The following OR5AN1 variants were observed in gnomAD, a reference collection of about 807,000 sequenced individuals.
The protein encoded by OR5AN1 is olfactory receptor family 5 subfamily AN member 1, also known as olfactory receptor 5AN1.
For synonymous variants in OR5AN1, 167 were observed against 131.8 expected, an observed-to-expected ratio of 1.27 and a Z score of -1.83; for missense variants, 476 against 368.9, an observed-to-expected ratio of 1.29 and a Z score of -2.38.
rs1384986873 is a variant in OR5AN1 at position 59,364,723 on chromosome 11, G to A, written c.265G>A (p.Glu89Lys). Residue 89 changes from glutamate to lysine, a missense_variant, in exon 2 of 2, where the codon GAA becomes AAA. Glu to Lys is a moderately conservative substitution (Grantham distance 56, BLOSUM62 1). Transcript: ENST00000641998. Reference protein sequence around the residue: ...VPKMLSNLLQEQQTITFVGCI... With the variant: ...VPKMLSNLLQKQQTITFVGCI... Reference sequence around the variant, plus strand: ...CAAGATGCTCTCCAACCTCTTACAGGAACAGCAAACTATCACTTTTGTTGG... The same window carrying A: ...CAAGATGCTCTCCAACCTCTTACAGAAACAGCAAACTATCACTTTTGTTGG... The A allele has an allele frequency of 4.3e-6, 7 of 1,613,810 alleles. No individual in the cohort carries two copies. The highest frequency in any genetic ancestry group is 5.9e-6 in the Non-Finnish European group (7 of 1,179,940).
At position 59,366,044 on chromosome 11, in the gene OR5AN1, C is replaced by G. The variant is rs1328108610; in HGVS notation, c.*650C>G. On this transcript the variant is annotated 3_prime_UTR_variant, in exon 2 of 2. Transcript: ENST00000641998. ...ATTTCCTTGCCTACACCAGCTGTAG[C>G]ATAAGAAAGAAGGAGGTGATTTTAA... is the stretch of plus-strand genomic sequence containing the variant. The G allele has an allele frequency of 6.6e-6, 1 of 152,124 alleles. No homozygotes were observed. Among genetic ancestry groups the G allele is most frequent in the East Asian group, 1.9e-4 (1 of 5,196 alleles). The allele number at this position is 152,124 out of a possible 1,614,324, so 9.4% of individuals were successfully genotyped here.
rs1565053319 is a variant in OR5AN1, at chr11:59,364,896, A to G, written c.438A>G (p.Val146=). 1 of 1,613,990 alleles carries G rather than the reference A, an allele frequency of 6.2e-7. No homozygotes were observed. Among genetic ancestry groups the G allele is most frequent in the Non-Finnish European group, 8.5e-7 (1 of 1,179,966 alleles). ...IMSPTLCVWM[V]LGAYMTGLTA... is the part of the protein sequence containing the mutation. ...CACCCACCCTCTGTGTTTGGATGGT[A>G]CTGGGAGCCTACATGACTGGCCTCA... The change falls in exon 2 of 2, where the codon GTA becomes GTG. Residue 146 remains valine, a synonymous_variant. Transcript: ENST00000641998.
Position 59,367,210 on chromosome 11 carries a change from G to A in OR5AN1, c.*1816G>A, listed in dbSNP as rs533695414. The stretch of plus-strand genomic sequence containing the variant: ...CTGACCAGAAGCAGCTAGTGTGTGT[G>A]GCTGTCATGGAAAGGAACAGAAGGG... On this transcript the variant is annotated 3_prime_UTR_variant, in exon 2 of 2. Coordinates refer to ENST00000641998, the MANE Select transcript of OR5AN1 (RefSeq NM_001004729.2). The A allele has an allele frequency of 6.6e-6, 1 of 152,280 alleles. No individual in the cohort carries two copies. Among genetic ancestry groups the A allele is most frequent in the Admixed American group, 6.5e-5 (1 of 15,284 alleles). The allele number at this position is 152,280 out of a possible 1,614,324, so 9.4% of individuals were successfully genotyped here.
In OR5AN1 at chr11:59,364,729, C is replaced by T. The variant is rs1183363803; in HGVS notation, c.271C>T (p.Gln91Ter). ...KMLSNLLQEQQTITFVGCIIQ... is the reference protein window; with the variant it reads ...KMLSNLLQEQ ...GCTCTCCAACCTCTTACAGGAACAG[C>T]AAACTATCACTTTTGTTGGTTGTAT... The change falls in exon 2 of 2, where the codon CAA becomes TAA. Residue 91 changes from glutamine to a stop codon, truncating the protein, a stop_gained. Transcript: ENST00000641998. LOFTEE classifies it low-confidence loss of function (END_TRUNC). 2 of 1,614,018 alleles carry T rather than the reference C, an allele frequency of 1.2e-6. No individual in the cohort carries two copies. The highest frequency in any genetic ancestry group is 4.5e-5 in the East Asian group (2 of 44,876).
chr11:59,363,581 C>T (rs947770471), intron 1 of OR5AN1, among the ~76,000 whole-genome samples: 6 of 151,934 alleles, frequency 3.9e-5, no homozygotes, highest in Non-Finnish European at 5.9e-5. Context: ...ATTGTTAAGG[C>T]CAGTTTGGAT....
Position 59,370,465 on chromosome 11 carries a change from A to C in OR5AN1, c.*5071A>C, listed in dbSNP as rs188380364. ...GCTGCCAAATGTCACAGACTGAAAG[A>C]ATCAAAATTGTAAAAATTTCTATTC... On this transcript the variant is annotated 3_prime_UTR_variant, in exon 2 of 2. Coordinates refer to ENST00000641998, the MANE Select transcript of OR5AN1 (RefSeq NM_001004729.2). The C allele has an allele frequency of 9.8e-5, 15 of 152,322 alleles. No homozygotes were observed. In the East Asian group the frequency reaches 2.1e-3, roughly 22 times the overall value. 9.4% of individuals were successfully genotyped at this position (152,322 alleles called of 1,614,324 possible). A position where few individuals can be genotyped will look rare whatever the true frequency, so the allele number is the denominator to read the frequency against.
At chr11:59,360,695 T>C (rs1312405437) in intron 1 of OR5AN1, among the ~76,000 whole-genome samples, 1 of 152,184 alleles carries the variant, frequency 6.6e-6, no homozygotes, top group Non-Finnish European at 1.5e-5. Context: ...GGTTTTCTGT[T>C]CCTGCACTAA....
chr11:59,364,448 G>A lies in OR5AN1; in HGVS notation c.-11G>A, dbSNP rs764314113. 7 of 1,578,730 alleles carry A rather than the reference G, an allele frequency of 4.4e-6. No homozygotes were observed. The South Asian group carries it at 4.6e-5, about 10-fold the overall frequency. ...TCTTGTCTCCTTTCTGATATTAGGA[G>A]CACTGAGCCAATGACTGGGGGAGGA... is the stretch of plus-strand genomic sequence containing the variant. On this transcript the variant is annotated splice_region_variant and 5_prime_UTR_variant, in exon 2 of 2. Transcript: ENST00000641998.
In OR5AN1 at chr11:59,365,172, A is replaced by G; in HGVS notation, c.714A>G (p.Ala238=). 6.2e-7 allele frequency: 1 copy of G among 1,614,046 alleles called. No individual in the cohort carries two copies. Among genetic ancestry groups the G allele is most frequent in the Non-Finnish European group, 8.5e-7 (1 of 1,179,946 alleles). Residue 238 remains alanine, a synonymous_variant, in exon 2 of 2, where the codon GCA becomes GCG. Coordinates refer to ENST00000641998, the MANE Select transcript of OR5AN1 (RefSeq NM_001004729.2). Reference sequence around the variant, plus strand: ...CTTCAGCTAAAGGCAGGTCCAAGGCATTCAACACCTGTGCTTCTCATCTAA... The same window carrying G: ...CTTCAGCTAAAGGCAGGTCCAAGGCGTTCAACACCTGTGCTTCTCATCTAA... ...KITSAKGRSK[A]FNTCASHLTA... is the part of the protein sequence containing the mutation.
intron 1 of OR5AN1, among the ~76,000 whole-genome samples, chr11:59,363,039 C>T (rs940444982): frequency 1.3e-5 from 2 of 152,152 alleles, no homozygotes; most frequent in African/African-American, 2.4e-5. Flanking sequence ...GGCAATGAGG[C>T]CTGGCTGTCT....
chr11:59,370,337 A>T lies in OR5AN1; in HGVS notation c.*4943A>T, dbSNP rs1857580897. The T allele has an allele frequency of 6.6e-6, 1 of 152,114 alleles. No individual in the cohort carries two copies. Among genetic ancestry groups the T allele is most frequent in the African/African-American group, 2.4e-5 (1 of 41,414 alleles). The allele number at this position is 152,114 out of a possible 1,614,324, so 9.4% of individuals were successfully genotyped here. ...GTGGCAAGCAGGATAAAAAAGGAAG[A>T]CCCAATGGTATGCTGTCTTCAAGAG... is the stretch of plus-strand genomic sequence containing the variant. On this transcript the variant is annotated 3_prime_UTR_variant, in exon 2 of 2. Transcript: ENST00000641998.
rs1218031583 is a variant in OR5AN1 at position 59,364,640 on chromosome 11, A to G, written c.182A>G (p.Tyr61Cys). Reference protein sequence around the residue: ...RMDSHLHTPMYFFLSNLSFID... With the variant: ...RMDSHLHTPMCFFLSNLSFID... ...GATTCCCACCTCCATACACCCATGT[A>G]TTTCTTCCTCAGTAACCTGTCCTTC... The change falls in exon 2 of 2, where the codon TAT becomes TGT. Residue 61 changes from tyrosine to cysteine, a missense_variant. By Grantham distance (194) the Tyr-to-Cys change is radical (BLOSUM62 -2). Transcript: ENST00000641998. 11 of 1,613,978 alleles carry G rather than the reference A, an allele frequency of 6.8e-6. No homozygotes were observed. The highest frequency in any genetic ancestry group is 3.3e-4 in the Middle Eastern group (2 of 6,058).
At position 59,371,445 on chromosome 11, in the gene OR5AN1, A is replaced by G. The variant is rs1423073942; in HGVS notation, c.*6051A>G. The G allele has an allele frequency of 1.3e-5, 2 of 152,228 alleles. No individual in the cohort carries two copies. The highest frequency in any genetic ancestry group is 4.8e-5 in the African/African-American group (2 of 41,458). The allele number at this position is 152,228 out of a possible 1,614,324, so 9.4% of individuals were successfully genotyped here. A position where few individuals can be genotyped will look rare whatever the true frequency, so the allele number is the denominator to read the frequency against. On this transcript the variant is annotated 3_prime_UTR_variant, in exon 2 of 2. Coordinates refer to ENST00000641998, the MANE Select transcript of OR5AN1 (RefSeq NM_001004729.2). ...CAGAATGTTTAAATTTGTTACCACCAAAGCTGAAAGCACAATTTGTGCAGA... is the reference window on the plus strand; with the variant it reads ...CAGAATGTTTAAATTTGTTACCACCGAAGCTGAAAGCACAATTTGTGCAGA...
chr11:59,364,500 C>T lies in OR5AN1; in HGVS notation c.42C>T (p.Ile14=). 6.2e-7 allele frequency: 1 copy of T among 1,613,274 alleles called. No individual in the cohort carries two copies. Among genetic ancestry groups the T allele is most frequent in the Non-Finnish European group, 8.5e-7 (1 of 1,179,576 alleles). ...ATATTACAGAAATCACCTATTTCAT[C>T]CTGCTGGGATTCTCAGATTTTCCCA... ...GGNITEITYF[I]LLGFSDFPRI... Residue 14 remains isoleucine, a synonymous_variant, in exon 2 of 2, where the codon ATC becomes ATT. Coordinates refer to ENST00000641998, the MANE Select transcript of OR5AN1 (RefSeq NM_001004729.2).
Position 59,365,012 on chromosome 11 carries a change from T to C in OR5AN1, c.554T>C (p.Leu185Pro). The C allele has an allele frequency of 3.7e-6, 6 of 1,614,160 alleles. No individual in the cohort carries two copies. Among genetic ancestry groups the C allele is most frequent in the Non-Finnish European group, 5.1e-6 (6 of 1,180,000 alleles). Residue 185 changes from leucine to proline, a missense_variant, in exon 2 of 2, where the codon CTG becomes CCG. Transcript: ENST00000641998. ...IRHFFCDMPQ[L>P]LILSCTDTFF... ...CATTTCTTCTGTGACATGCCCCAACTGTTAATCTTGTCCTGTACTGACACT... is the reference window on the plus strand; with the variant it reads ...CATTTCTTCTGTGACATGCCCCAACCGTTAATCTTGTCCTGTACTGACACT...
rs766048126 is a variant in OR5AN1, at chr11:59,364,976, A to C, written c.518A>C (p.Asn173Thr). ...ALLQLHFCGSNVIRHFFCDMP... is the reference protein window; with the variant it reads ...ALLQLHFCGSTVIRHFFCDMP... ...CTTCAACTCCACTTCTGTGGGTCTA[A>C]TGTCATCAGACATTTCTTCTGTGAC... Residue 173 changes from asparagine to threonine, a missense_variant, in exon 2 of 2, where the codon AAT (asparagine) becomes ACT (threonine). Coordinates refer to ENST00000641998, the MANE Select transcript of OR5AN1 (RefSeq NM_001004729.2). The C allele has an allele frequency of 6.2e-7, 1 of 1,614,062 alleles. No homozygotes were observed. Among genetic ancestry groups the C allele is most frequent in the South Asian group, 1.1e-5 (1 of 91,078 alleles).
Position 59,369,679 on chromosome 11 carries a change from T to C in OR5AN1, c.*4285T>C, listed in dbSNP as rs1421637410. On this transcript the variant is annotated 3_prime_UTR_variant, in exon 2 of 2. Transcript: ENST00000641998. The stretch of plus-strand genomic sequence containing the variant: ...AGGGAGGGGAAGGAAGAAAACAACT[T>C]GGAAAATATATTTCAGAATATTGTC... 1 of 152,194 alleles carries C rather than the reference T, an allele frequency of 6.6e-6. No individual in the cohort carries two copies. Among genetic ancestry groups the C allele is most frequent in the Non-Finnish European group, 1.5e-5 (1 of 68,050 alleles). 9.4% of individuals were successfully genotyped at this position (152,194 alleles called of 1,614,324 possible). A position where few individuals can be genotyped will look rare whatever the true frequency, so the allele number is the denominator to read the frequency against.
At chr11:59,359,555 T>C (rs980402575) in intron 1 of OR5AN1, 3 of 152,206 alleles carry the variant, frequency 2.0e-5, no homozygotes, top group Non-Finnish European at 2.9e-5. Flanking sequence ...TTCAAAATGC[T>C]AATAATTAAC....
rs1296137099 is a variant in OR5AN1, at chr11:59,368,633, T to C, written c.*3239T>C. 1 of 152,410 alleles carries C rather than the reference T, an allele frequency of 6.6e-6. No individual in the cohort carries two copies. The highest frequency in any genetic ancestry group is 2.1e-4 in the South Asian group (1 of 4,830). The allele number at this position is 152,410 out of a possible 1,614,324, so 9.4% of individuals were successfully genotyped here. On this transcript the variant is annotated 3_prime_UTR_variant, in exon 2 of 2. Transcript: ENST00000641998. The stretch of plus-strand genomic sequence containing the variant: ...TTGGGCCCACAACACATACCCTCTA[T>C]CTTGGGCTGGCTGCACTGAGCGATT...
Sources: gnomAD v4.1 joint callset for allele counts (sites outside exome capture counted in the v4.1 genomes callset) on GRCh38, gnomAD v4.1.1 for gene constraint, MANE v1.5 for transcripts, NCBI Gene and HGNC (gene_info 2026-07-23, HGNC 2026-07-21) for gene names.